NUP160: variants seen among roughly 807,000 people sequenced by gnomAD.
The protein encoded by NUP160 is nuclear pore complex protein Nup160.
In NUP160, 94 loss-of-function variants were observed where a neutral mutation model predicts 196.9. That is an observed-to-expected ratio of 0.48 (90% confidence interval 0.40 to 0.57). The LOEUF is 0.57. Ranked by LOEUF, NUP160 falls within the 20% of genes least tolerant of loss-of-function variation. The pLI is 0.00. For missense variants in NUP160, 1,638 were observed against 1,748.3 expected, an observed-to-expected ratio of 0.94 and a Z score of 1.13; for synonymous variants, 605 against 619.7, an observed-to-expected ratio of 0.98 and a Z score of 0.35.
rs760638030 is a variant in NUP160, at chr11:47,847,958, C to T, written c.204G>A (p.Gly68=). 27 of 1,611,724 alleles carry T rather than the reference C, an allele frequency of 1.7e-5. No homozygotes were observed. In the East Asian group the frequency reaches 1.8e-4, roughly 11 times the overall value. ...CGGCGCCAGCCACGGCATTTGCAGTCCCTGCAAAATGAACGTGGTCAGCCT... is the reference window on the plus strand; with the variant it reads ...CGGCGCCAGCCACGGCATTTGCAGTTCCTGCAAAATGAACGTGGTCAGCCT... Residue 68 remains glycine (G), a splice_region_variant and synonymous_variant, in exon 2 of 36, where the codon GGG becomes GGA. Coordinates refer to ENST00000378460, the Ensembl canonical transcript of NUP160.
In NUP160 at chr11:47,846,020, C is replaced by T. The variant is rs534614314; in HGVS notation, c.314+1828G>A. On this transcript the variant is annotated intron_variant, in intron 2 of 35. Transcript: ENST00000378460. ...GCATGGTGGTGCATACTTGTAATTC[C>T]AGCTACTTGGGAGGCTGAGGTGGGA... is the stretch of plus-strand genomic sequence containing the variant. Among the ~76,000 whole-genome samples the T allele has an allele frequency of 3.3e-5, 5 of 152,006 alleles. No homozygotes were observed. The East Asian group carries it at 9.7e-4, about 29-fold the overall frequency.
At chr11:47,812,135 C>T (rs775697651) in exon 17 of NUP160, 8 of 1,614,022 alleles carry the variant, frequency 5.0e-6, no homozygotes, top group Non-Finnish European at 6.8e-6. Flanking sequence ...CGAGTACTGG[C>T]GATTTTATGC....
chr11:47,848,290 C>T, exon 1 of NUP160: 2 of 1,614,152 alleles, frequency 1.2e-6, no homozygotes, highest in Non-Finnish European at 1.7e-6. Context: ...CTCCACGAAG[C>T]TCCGTTCCAG....
intron 9 of NUP160, among the ~76,000 whole-genome samples, chr11:47,819,910 C>T (rs1188717694): frequency 1.3e-5 from 2 of 152,216 alleles, no homozygotes; most frequent in Admixed American, 1.3e-4. Flanking sequence ...GGGTATATCA[C>T]AGCTAGTAAG....
At chr11:47,814,734 T>C (rs1345494408) in intron 13 of NUP160, among the ~76,000 whole-genome samples, 2 of 152,174 alleles carry the variant, frequency 1.3e-5, no homozygotes, top group Non-Finnish European at 2.9e-5. Flanking sequence ...TGTTCTTAGA[T>C]ACATGCTGAA....
chr11:47,779,991 A>C (rs1185795168), intron 35 of NUP160, among the ~76,000 whole-genome samples: 1 of 152,118 alleles, frequency 6.6e-6, no homozygotes, highest in Non-Finnish European at 1.5e-5. Context: ...CAGCCTTCCA[A>C]AGTGCTGGGA....
chr11:47,835,925 A>G, intron 6 of NUP160, 116 bp from the exon 7 acceptor site: 1 of 840,392 alleles, frequency 1.2e-6, no homozygotes, highest in Non-Finnish European at 1.8e-6. Flanking sequence ...TTTATCTGCT[A>G]AAAGACCTTA....
chr11:47,839,967 A>G (rs1379816191), exon 4 of NUP160: 5 of 1,614,148 alleles, frequency 3.1e-6, no homozygotes, highest in Admixed American at 3.3e-5. Context: ...GAGATATTCC[A>G]GGTACTGCTG....
chr11:47,784,128 A>C (rs2097663177), intron 33 of NUP160, among the ~76,000 whole-genome samples: 1 of 152,246 alleles, frequency 6.6e-6, no homozygotes, highest in Non-Finnish European at 1.5e-5. Flanking sequence ...ACGGTGGTTC[A>C]GATGCAGAAG....
intron 10 of NUP160, among the ~76,000 whole-genome samples, chr11:47,818,914 C>A (rs1456293957): frequency 6.6e-6 from 1 of 152,144 alleles, no homozygotes; most frequent in African/African-American, 2.4e-5. Flanking sequence ...TCTACTCCTG[C>A]AAATAGTCAT....
intron 27 of NUP160, among the ~76,000 whole-genome samples, chr11:47,794,311 G>A (rs1259580537): frequency 5.3e-5 from 8 of 152,110 alleles, no homozygotes. Context: ...GGCCAACAGG[G>A]TGAAACCCCG....
chr11:47,825,575 C>G (rs779185991), intron 7 of NUP160, among the ~76,000 whole-genome samples: 3 of 151,818 alleles, frequency 2.0e-5, no homozygotes, highest in Non-Finnish European at 4.4e-5. Context: ...GCCTCAGCCT[C>G]GCGAGTAGTT....
intron 7 of NUP160, among the ~76,000 whole-genome samples, chr11:47,828,778 A>C (rs529817884): frequency 1.3e-5 from 2 of 152,326 alleles, no homozygotes; most frequent in African/African-American, 4.8e-5. Context: ...CCTAGAAATA[A>C]AACCATGTGT....
intron 34 of NUP160, among the ~76,000 whole-genome samples, chr11:47,781,379 C>T (rs2097660742): frequency 6.6e-6 from 1 of 151,934 alleles, no homozygotes; most frequent in African/African-American, 2.4e-5. Flanking sequence ...CCTCCCACCT[C>T]AGCTTCCCAC....
chr11:47,826,258 C>T (rs1022189156), intron 7 of NUP160, among the ~76,000 whole-genome samples: 1 of 152,162 alleles, frequency 6.6e-6, no homozygotes, highest in Non-Finnish European at 1.5e-5. Context: ...TACATATGCA[C>T]CATCAGGCCC....
chr11:47,813,035 G>A (rs1362006731), exon 15 of NUP160: 2 of 1,606,804 alleles, frequency 1.2e-6, no homozygotes, highest in African/African-American at 1.3e-5. Flanking sequence ...GACATCCCGA[G>A]CGATGTCCAC....
chr11:47,804,567 G>T lies in NUP160; in HGVS notation c.2658C>A (p.Cys886Ter). ...AACTCACCTGCAATTGTACATATTG[G>T]CAATTTCCCATCAAACATTCTAGAA... is the stretch of plus-strand genomic sequence containing the variant. The change falls in exon 21 of 36, where the codon TGC becomes TGA. Residue 886 changes from cysteine to a stop codon, truncating the protein, a stop_gained. Coordinates refer to ENST00000378460, the Ensembl canonical transcript of NUP160. LOFTEE classifies it high-confidence loss of function. The T allele has an allele frequency of 6.5e-7, 1 of 1,537,160 alleles. No homozygotes were observed. Among genetic ancestry groups the T allele is most frequent in the East Asian group, 2.6e-5 (1 of 38,926 alleles).
intron 2 of NUP160, chr11:47,841,658 TA>T: frequency 5.4e-6 from 2 of 373,150 alleles, no homozygotes; most frequent in South Asian, 5.3e-5. Flanking sequence ...TTGAGGGCTC[TA>T]AGGAGCATGT....
chr11:47,835,228 T>G (rs936603495), intron 7 of NUP160, among the ~76,000 whole-genome samples: 3 of 152,200 alleles, frequency 2.0e-5, no homozygotes, highest in African/African-American at 7.2e-5. Context: ...AAACACACAA[T>G]GCTCAACAAA....
Sources: allele counts gnomAD v4.1 joint callset (sites outside exome capture counted in the v4.1 genomes callset), GRCh38; gene constraint gnomAD v4.1.1; transcripts MANE v1.5; gene names NCBI Gene and HGNC (gene_info 2026-07-23, HGNC 2026-07-21).